The following BTBD19 variants were observed in gnomAD, a reference collection of about 807,000 sequenced individuals.
BTBD19 encodes the protein BTB/POZ domain-containing protein 19.
Under a neutral mutation model 36.1 loss-of-function variants are expected in BTBD19, and 20 were observed. The ratio of observed to expected loss-of-function variants is 0.55; its 90% confidence interval spans 0.39 to 0.80. The LOEUF is 0.80. Ranked by LOEUF, BTBD19 falls within the 30% of genes least tolerant of loss-of-function variation. BTBD19 has a pLI of 0.00. For synonymous variants in BTBD19, 157 were observed against 174.3 expected (o/e 0.90, Z 0.78); for missense variants, 325 against 389.8 (o/e 0.83, Z 1.40).
intron 4 of BTBD19, chr1:44,812,328 G>A: frequency 4.4e-6 from 2 of 456,154 alleles, no homozygotes; most frequent in Non-Finnish European, 8.8e-6. Context: ...GGGGCTGGAG[G>A]TCTTTGCTGG....
downstream of BTBD19, chr1:44,814,290 TTC>T (rs1652623123): frequency 6.6e-6 from 1 of 152,378 alleles, no homozygotes; most frequent in South Asian, 2.0e-4. Context: ...CTTTCTTTCT[TTC>T]TTTCTCTCCT....
Position 44,810,040 on chromosome 1 carries a change from G to C in BTBD19, c.87-173G>C, listed in dbSNP as rs1042979132. 2.0e-5 allele frequency among the ~76,000 whole-genome samples: 3 copies of C among 152,230 alleles called. No individual in the cohort carries two copies. The highest frequency in any genetic ancestry group is 6.5e-5 in the Admixed American group (1 of 15,290). On this transcript the variant is annotated intron_variant, in intron 1 of 7. Coordinates refer to ENST00000450269, the Ensembl canonical transcript of BTBD19. This position sits in a 1 kb window ranked among gnomAD's most constrained non-coding sequence, Gnocchi z 4.2. ...ACTTGCCTATGGTACCCATTAGGTG[G>C]AGCTGGGACTAGAACTCAGGGCTTT...
chr1:44,815,484 A>G (rs1412964626), downstream of BTBD19: 1 of 152,204 alleles, frequency 6.6e-6, no homozygotes, highest in Non-Finnish European at 1.5e-5. Context: ...CTCAAGAAAG[A>G]TCCCTGGGGC....
chr1:44,814,244 TTC>T (rs1557635986), downstream of BTBD19: 1 of 144,888 alleles, frequency 6.9e-6, no homozygotes, highest in East Asian at 2.0e-4. Flanking sequence ...CCTTCCTTCC[TTC>T]CTTCCTTCTT....
In BTBD19 at chr1:44,813,169, T is replaced by C; in HGVS notation, c.515T>C (p.Leu172Pro). 2 of 1,541,022 alleles carry C rather than the reference T, an allele frequency of 1.3e-6. No individual in the cohort carries two copies. Among genetic ancestry groups the C allele is most frequent in the Non-Finnish European group, 1.7e-6 (2 of 1,144,712 alleles). The stretch of plus-strand genomic sequence containing the variant: ...CTCCGGACCCGAGGCTTCCTGGAGC[T>C]GTCGGCGGCCGCGCTGCTGCCCCTG... Residue 172 changes from leucine to proline, a missense_variant, in exon 6 of 8, where the codon CTG (leucine) becomes CCG (proline). By Grantham distance (98) the Leu-to-Pro change is moderately conservative (BLOSUM62 -3). Coordinates refer to ENST00000450269, the Ensembl canonical transcript of BTBD19. The surrounding 1 kb of genome is among the most constrained non-coding windows in gnomAD (Gnocchi z 7.8).
chr1:44,813,590 G>A lies in BTBD19; in HGVS notation c.742-48G>A. On this transcript the variant is annotated intron_variant, in intron 7 of 7. Transcript: ENST00000450269. This position sits in a 1 kb window ranked among gnomAD's most constrained non-coding sequence, Gnocchi z 7.8. ...GAGCAGCCCGGCCCACGGTCCTCGGGGCGAGGGGCCACCGCGGGACTGCGC... is the reference window on the plus strand; with the variant it reads ...GAGCAGCCCGGCCCACGGTCCTCGGAGCGAGGGGCCACCGCGGGACTGCGC... 1 of 1,537,204 alleles carries A rather than the reference G, an allele frequency of 6.5e-7. No individual in the cohort carries two copies. Among genetic ancestry groups the A allele is most frequent in the Non-Finnish European group, 8.8e-7 (1 of 1,137,354 alleles).
chr1:44,814,206 C>CTTTCTTTT (rs1161494088), downstream of BTBD19: 1 of 137,034 alleles, frequency 7.3e-6, no homozygotes, highest in African/African-American at 3.2e-5. Context: ...TTCTTTCTTT[C>CTTTCTTTT]TTTCTTTTTC....
chr1:44,809,102 A>G (rs547124120), intron 1 of BTBD19, among the ~76,000 whole-genome samples, 196 bp downstream of exon 1: 1 of 152,268 alleles, frequency 6.6e-6, no homozygotes, highest in South Asian at 2.1e-4. Context: ...GGCCAGAGGC[A>G]AGGCTGGCGG....
Position 44,810,177 on chromosome 1 carries a change from C to T in BTBD19, c.87-36C>T, listed in dbSNP as rs781191002. ...GCCCAAGTTGCACTCCGGGTGCTGG[C>T]CTCCTCCCCGCTGCCTCTCTGCCTG... On this transcript the variant is annotated intron_variant, in intron 1 of 7. Coordinates refer to ENST00000450269, the Ensembl canonical transcript of BTBD19. This position sits in a 1 kb window ranked among gnomAD's most constrained non-coding sequence, Gnocchi z 4.2. 3 of 1,520,498 alleles carry T rather than the reference C, an allele frequency of 2.0e-6. No individual in the cohort carries two copies. The highest frequency in any genetic ancestry group is 1.2e-5 in the South Asian group (1 of 83,442). The allele number at this position is 1,520,498 out of a possible 1,614,324, so 94.2% of individuals were successfully genotyped here.
Position 44,813,877 on chromosome 1 carries a change from C to T in BTBD19, c.*105C>T, listed in dbSNP as rs1213477742. ...GTTCGGAGCGGGCTTCCGTTCCCAG[C>T]GTGCCCAGTGAGCCGGGCGCCGGAA... is the stretch of plus-strand genomic sequence containing the variant. On this transcript the variant is annotated 3_prime_UTR_variant, in exon 8 of 8. Coordinates refer to ENST00000450269, the Ensembl canonical transcript of BTBD19. This position sits in a 1 kb window ranked among gnomAD's most constrained non-coding sequence, Gnocchi z 7.8. The T allele has an allele frequency of 6.8e-7, 1 of 1,479,664 alleles. No individual in the cohort carries two copies. The allele number at this position is 1,479,664 out of a possible 1,614,324, so 91.7% of individuals were successfully genotyped here. A position where few individuals can be genotyped will look rare whatever the true frequency, so the allele number is the denominator to read the frequency against.
chr1:44,813,492 T>C lies in BTBD19; in HGVS notation c.734T>C (p.Leu245Pro). 4 of 1,550,774 alleles carry C rather than the reference T, an allele frequency of 2.6e-6. No individual in the cohort carries two copies. Among genetic ancestry groups the C allele is most frequent in the Non-Finnish European group, 3.5e-6 (4 of 1,146,570 alleles). ...GAAGAGCAGAACCGGCAGGAACCAC[T>C]CATCCCGGTGGGGACGCGGGGAACC... Residue 245 changes from leucine to proline, a missense_variant, in exon 7 of 8, where the codon CTC (leucine) becomes CCC (proline). By Grantham distance (98) the Leu-to-Pro change is moderately conservative. Transcript: ENST00000450269. The surrounding 1 kb of genome is among the most constrained non-coding windows in gnomAD (Gnocchi z 7.8).
intron 4 of BTBD19, 142 bp from the exon 5 acceptor site, chr1:44,812,854 G>T: frequency 1.3e-5 from 7 of 550,516 alleles, no homozygotes; most frequent in Non-Finnish European, 1.9e-5. Flanking sequence ...GCTTTCATTG[G>T]GTCTAGTTTC....
In BTBD19 at chr1:44,814,000, G is replaced by C. The variant is rs1239679780; in HGVS notation, c.*228G>C. On this transcript the variant is annotated 3_prime_UTR_variant, in exon 8 of 8. Transcript: ENST00000450269. This position sits in a 1 kb window ranked among gnomAD's most constrained non-coding sequence, Gnocchi z 7.8. Reference sequence around the variant, plus strand: ...CAGGGCTTGGGCTGGGCCTCCCTGAGGGGGTGAAACTCGAAAACGAGGATT... The same window carrying C: ...CAGGGCTTGGGCTGGGCCTCCCTGACGGGGTGAAACTCGAAAACGAGGATT... 1 of 651,520 alleles carries C rather than the reference G, an allele frequency of 1.5e-6. No individual in the cohort carries two copies. Among genetic ancestry groups the C allele is most frequent in the South Asian group, 1.9e-5 (1 of 51,728 alleles). 40.4% of individuals were successfully genotyped at this position (651,520 alleles called of 1,614,324 possible). A position where few individuals can be genotyped will look rare whatever the true frequency, so the allele number is the denominator to read the frequency against.
At chr1:44,814,148 C>CTCTTTCTTTCTTTCTGTCTG (rs1557635265), downstream of BTBD19, 7 of 159,300 alleles carry the variant, frequency 4.4e-5, no homozygotes, top group Admixed American at 7.8e-5. Flanking sequence ...CTTTTTCTTT[C>CTCTTTCTTTCTTTCTGTCTG]TCTTTCTTTC....
Position 44,813,980 on chromosome 1 carries a change from C to A in BTBD19, c.*208C>A. The A allele has an allele frequency of 1.3e-6, 1 of 786,912 alleles. No individual in the cohort carries two copies. Among genetic ancestry groups the A allele is most frequent in the African/African-American group, 1.7e-5 (1 of 57,410 alleles). 48.7% of individuals were successfully genotyped at this position (786,912 alleles called of 1,614,324 possible). A position where few individuals can be genotyped will look rare whatever the true frequency, so the allele number is the denominator to read the frequency against. The stretch of plus-strand genomic sequence containing the variant: ...CGAGGTGGGGTCGGGCCGGGCAGGG[C>A]TTGGGCTGGGCCTCCCTGAGGGGGT... On this transcript the variant is annotated 3_prime_UTR_variant, in exon 8 of 8. Transcript: ENST00000450269. This position sits in a 1 kb window ranked among gnomAD's most constrained non-coding sequence, Gnocchi z 7.8.
At position 44,809,036 on chromosome 1, in the gene BTBD19, G is replaced by A. The variant is rs1226838598; in HGVS notation, c.86+130G>A. The A allele has an allele frequency of 6.8e-6, 5 of 740,738 alleles. No homozygotes were observed. The South Asian group carries it at 7.1e-5, about 11-fold the overall frequency. The allele number at this position is 740,738 out of a possible 1,614,324, so 45.9% of individuals were successfully genotyped here. ...TCCTCCCTGGTGAACTTAGGCTATG[G>A]GGAGGTCAAATGTGGAACATGGCTA... On this transcript the variant is annotated intron_variant, in intron 1 of 7. Coordinates refer to ENST00000450269, the Ensembl canonical transcript of BTBD19.
chr1:44,812,374 C>T, intron 4 of BTBD19: 1 of 455,834 alleles, frequency 2.2e-6, no homozygotes, highest in Non-Finnish European at 4.4e-6. Flanking sequence ...TGGTTCTCAG[C>T]TTGACTTGGG....
exon 1 of BTBD19, chr1:44,808,712 A>T: frequency 1.4e-6 from 1 of 737,230 alleles, no homozygotes; most frequent in East Asian, 3.0e-5. Flanking sequence ...CTCAGCAAAC[A>T]GGCCTCCCAA....
chr1:44,813,731 C>A lies in BTBD19; in HGVS notation c.835C>A (p.Pro279Thr). 3 of 1,551,536 alleles carry A rather than the reference C, an allele frequency of 1.9e-6. No individual in the cohort carries two copies. Among genetic ancestry groups the A allele is most frequent in the Non-Finnish European group, 1.7e-6 (2 of 1,146,862 alleles). Reference sequence around the variant, plus strand: ...GTGTCGCCGCCGGAGAGGCACCCTGCCCCGGGAGCATCACCGCTTTCTGGA... The same window carrying A: ...GTGTCGCCGCCGGAGAGGCACCCTGACCCGGGAGCATCACCGCTTTCTGGA... Residue 279 changes from proline (P) to threonine (T), a missense_variant, in exon 8 of 8, where the codon CCC (proline) becomes ACC (threonine). Transcript: ENST00000450269. The surrounding 1 kb of genome is among the most constrained non-coding windows in gnomAD (Gnocchi z 7.8).
Sources: gnomAD v4.1 joint callset for allele counts (sites outside exome capture counted in the v4.1 genomes callset) on GRCh38, gnomAD v4.1.1 for gene constraint, Gnocchi (gnomAD v3.1) non-coding constraint, MANE v1.5 for transcripts, NCBI Gene and HGNC (gene_info 2026-07-23, HGNC 2026-07-21) for gene names.